ROBO1: variants seen among roughly 807,000 people sequenced by gnomAD.
The protein encoded by ROBO1 is roundabout guidance receptor 1, also known as roundabout homolog 1.
A neutral mutation model predicts 195.9 loss-of-function variants in ROBO1; 149 were observed. The ratio of observed to expected loss-of-function variants is 0.76; its 90% CI spans 0.67 to 0.87. The LOEUF is 0.87. Among genes scored for constraint, ROBO1 ranks in the 40% least tolerant of loss-of-function variants. The probability of loss-of-function intolerance (pLI) is 0.00; values close to 1 mark genes in which losing one functional copy is unlikely to be tolerated. For missense variants in ROBO1, 1,933 were observed against 2,068.3 expected, an observed-to-expected ratio of 0.93 and a Z score of 1.27; for synonymous variants, 816 against 733.2, an observed-to-expected ratio of 1.11 and a Z score of -1.82.
At chr3:79,333,000 G>C (rs145224592) in intron 2 of ROBO1, among the ~76,000 whole-genome samples, 3 of 151,910 alleles carry the variant, frequency 2.0e-5, no homozygotes, top group East Asian at 1.9e-4. Context: ...TCAGGAGTTC[G>C]AGACCAGCCC....
At chr3:79,522,915 G>A (rs1230786982) in intron 2 of ROBO1, among the ~76,000 whole-genome samples, 1 of 152,048 alleles carries the variant, frequency 6.6e-6, no homozygotes, top group African/African-American at 2.4e-5. Context: ...TGTAAAATTG[G>A]AACCTAAATA....
intron 8 of ROBO1, among the ~76,000 whole-genome samples, chr3:78,711,378 CCTTCCTTCCTTCCTTCCTTCCTTT>C (rs1237571288): frequency 1.9e-4 from 6 of 31,366 alleles, no homozygotes; most frequent in Admixed American, 6.4e-4. Flanking sequence ...TTCCTTCCTT[CCTTCCTTCCTTCCTTCCTTCCTTT>C]CTTTCTTTCT....
chr3:79,228,830 T>A (rs974973790), intron 2 of ROBO1, among the ~76,000 whole-genome samples: 8 of 152,138 alleles, frequency 5.3e-5, no homozygotes, highest in African/African-American at 1.9e-4. Context: ...TGATCATCTG[T>A]AGCATATATT....
intron 2 of ROBO1, among the ~76,000 whole-genome samples, chr3:79,299,944 A>C (rs970114832): frequency 6.6e-6 from 1 of 152,248 alleles, no homozygotes; most frequent in Non-Finnish European, 1.5e-5. Context: ...AATAGAATCA[A>C]AGTAATACCT....
intron 2 of ROBO1, among the ~76,000 whole-genome samples, chr3:79,452,951 A>T (rs1164177716): frequency 1.3e-5 from 2 of 152,046 alleles, no homozygotes; most frequent in Middle Eastern, 3.2e-3. Context: ...ATGATATAAA[A>T]ACCAGAGGAA....
At chr3:79,489,394 G>A (rs1939331198) in intron 2 of ROBO1, among the ~76,000 whole-genome samples, 2 of 152,028 alleles carry the variant, frequency 1.3e-5, no homozygotes, top group African/African-American at 2.4e-5. Flanking sequence ...AGTGGCTAAC[G>A]CCTGTAATCT....
intron 5 of ROBO1, among the ~76,000 whole-genome samples, chr3:78,744,428 A>G (rs747369725): frequency 2.6e-5 from 4 of 152,164 alleles, no homozygotes; most frequent in Non-Finnish European, 5.9e-5. Context: ...AAGAGAGCAG[A>G]GGCTTCCCAC....
intron 4 of ROBO1, among the ~76,000 whole-genome samples, chr3:78,751,114 C>T (rs1334639797): frequency 2.0e-5 from 3 of 152,120 alleles, no homozygotes; most frequent in Non-Finnish European, 4.4e-5. Context: ...GGCTCAAGTG[C>T]TCAAGTGAAA....
rs72893909 is a variant in ROBO1, at chr3:79,651,625, C to T, written c.-50-61664G>A. Reference sequence around the variant, plus strand: ...AACCTCTTAGCCTTAGTCTGCAACGCTAGCACCCCGGGAGACCAGCCATTG... The same window carrying T: ...AACCTCTTAGCCTTAGTCTGCAACGTTAGCACCCCGGGAGACCAGCCATTG... On this transcript the variant is annotated intron_variant, in intron 1 of 30. Transcript: ENST00000464233. 6.6e-3 allele frequency among the ~76,000 whole-genome samples: 1,006 copies of T among 152,264 alleles called. 10 individuals are homozygous for T. The highest frequency in any genetic ancestry group is 0.023 in the African/African-American group (947 of 41,568).
chr3:79,752,726 T>C (rs1274797734), intron 1 of ROBO1, among the ~76,000 whole-genome samples: 1 of 152,088 alleles, frequency 6.6e-6, no homozygotes. Flanking sequence ...GCTATAATTA[T>C]GGAAAATAGG....
At chr3:79,336,840 T>C (rs1438655429) in intron 2 of ROBO1, among the ~76,000 whole-genome samples, 1 of 152,086 alleles carries the variant, frequency 6.6e-6, no homozygotes, top group Non-Finnish European at 1.5e-5. Context: ...AGCCACAGAG[T>C]GGAGCTGCTC....
At chr3:79,605,246 C>CTTTTTT (rs10659867) in intron 1 of ROBO1, among the ~76,000 whole-genome samples, 32,151 of 147,372 alleles carry the variant, frequency 0.22, 4,509 homozygotes, top group African/African-American at 0.41. Context: ...TTCCGTATTA[C>CTTTTTT]TTTTTTTTTT....
At chr3:78,930,684 C>A (rs181683800) in intron 4 of ROBO1, among the ~76,000 whole-genome samples, 2 of 152,152 alleles carry the variant, frequency 1.3e-5, no homozygotes, top group Non-Finnish European at 2.9e-5. Context: ...AAAATTAAGC[C>A]AAATCTTTGG....
rs182754610 is a variant in ROBO1, at chr3:78,910,763, T to C, written c.499+27838A>G. On this transcript the variant is annotated intron_variant, in intron 4 of 30. Transcript: ENST00000464233. ...TACTTTGGGTACAACATTCTCTCCA[T>C]TGCATTAAAGATCACAGTTTTGAAA... 8.0e-5 allele frequency among the ~76,000 whole-genome samples: 11 copies of C among 137,094 alleles called. No homozygotes were observed. In the East Asian group the frequency reaches 1.2e-3, roughly 15 times the overall value. 89.9% of individuals were successfully genotyped at this position (137,094 alleles called of 152,430 possible). A position where few individuals can be genotyped will look rare whatever the true frequency, so the allele number is the denominator to read the frequency against.
chr3:78,905,588 C>T (rs1035774332), intron 4 of ROBO1, among the ~76,000 whole-genome samples: 1 of 152,022 alleles, frequency 6.6e-6, no homozygotes, highest in Non-Finnish European at 1.5e-5. Context: ...CATTGTACTA[C>T]AGTTTGGATG....
intron 2 of ROBO1, among the ~76,000 whole-genome samples, chr3:79,504,733 GTTTGA>G (rs1335705186): frequency 6.6e-6 from 1 of 152,036 alleles, no homozygotes; most frequent in Non-Finnish European, 1.5e-5. Context: ...TCCCCAATTT[GTTTGA>G]TTTTTTTCTT....
chr3:78,887,683 G>C (rs925772831), intron 4 of ROBO1, among the ~76,000 whole-genome samples: 1 of 152,128 alleles, frequency 6.6e-6, no homozygotes, highest in African/African-American at 2.4e-5. Context: ...ATGGTGACCA[G>C]CCTCATCTAC....
At chr3:78,634,258 T>C (rs1406938605) in intron 23 of ROBO1, among the ~76,000 whole-genome samples, 1 of 151,554 alleles carries the variant, frequency 6.6e-6, no homozygotes. Context: ...TAATATAATA[T>C]CAATATGATT....
At chr3:79,661,981 CTG>C (rs1407433598) in intron 1 of ROBO1, among the ~76,000 whole-genome samples, 4 of 151,832 alleles carry the variant, frequency 2.6e-5, no homozygotes, top group South Asian at 4.2e-4. Flanking sequence ...TCTCTGAAAA[CTG>C]TTAAAATTTG....
Sources: gnomAD v4.1 joint callset for allele counts (sites outside exome capture counted in the v4.1 genomes callset) on GRCh38, gnomAD v4.1.1 for gene constraint, MANE v1.5 for transcripts, NCBI Gene and HGNC (gene_info 2026-07-23, HGNC 2026-07-21) for gene names.